GARIN2: variants seen among roughly 807,000 people sequenced by gnomAD.
The protein encoded by GARIN2 is Golgi-associated RAB2 interactor protein 2.
At chr14:67,196,135 C>T in the GARIN2 span, among the ~76,000 whole-genome samples, 1 of 152,186 alleles carries the variant, frequency 6.6e-6, no homozygotes, top group African/African-American at 2.4e-5. Context: ...AAGGGCTCCA[C>T]TCTAGTCTTT....
chr14:67,195,714 TGTGTG>T, the GARIN2 span, among the ~76,000 whole-genome samples: 11 of 1,098 alleles, frequency 0.01, no homozygotes, highest in Non-Finnish European at 0.022. Flanking sequence ...TCTTTTTGGT[TGTGTG>T]TGTGTGTGTG....
chr14:67,219,877 C>T, the GARIN2 span, among the ~76,000 whole-genome samples: 3 of 152,056 alleles, frequency 2.0e-5, no homozygotes, highest in Admixed American at 2.0e-4. Flanking sequence ...CTCTTAAGCC[C>T]AATTTAATAA....
chr14:67,192,900 CTAGATATATA>C, the GARIN2 span, among the ~76,000 whole-genome samples: 2 of 138,386 alleles, frequency 1.4e-5, no homozygotes, highest in South Asian at 2.2e-4. Context: ...ATATCGATAT[CTAGATATATA>C]TAGATATATA....
At chr14:67,203,125 A>T in the GARIN2 span, 1 of 1,613,716 alleles carries the variant, frequency 6.2e-7, no homozygotes, top group South Asian at 1.1e-5. Context: ...ATTTACCTTC[A>T]TAACCGAGCC....
the GARIN2 span, among the ~76,000 whole-genome samples, chr14:67,193,630 TATATAG>T: frequency 7.5e-5 from 11 of 147,006 alleles, no homozygotes; most frequent in Admixed American, 5.4e-4. Flanking sequence ...TATATCTATC[TATATAG>T]ATATAGATAT....
chr14:67,212,617 AATATAT>A, the GARIN2 span, among the ~76,000 whole-genome samples: 1 of 145,924 alleles, frequency 6.9e-6, no homozygotes, highest in Non-Finnish European at 1.5e-5. Flanking sequence ...ATATATATGT[AATATAT>A]ATTATATATA....
the GARIN2 span, chr14:67,225,076 C>T: frequency 6.6e-7 from 1 of 1,505,592 alleles, no homozygotes; most frequent in African/African-American, 1.4e-5. Context: ...CTCTATTGAT[C>T]TCTCCTTTAC....
chr14:67,195,404 A>G, the GARIN2 span, among the ~76,000 whole-genome samples: 38 of 152,108 alleles, frequency 2.5e-4, no homozygotes, highest in Non-Finnish European at 4.6e-4. Context: ...CTCAGATGCA[A>G]GGGATTCTGG....
chr14:67,228,053 C>T, the GARIN2 span, among the ~76,000 whole-genome samples: 9 of 151,786 alleles, frequency 5.9e-5, no homozygotes, highest in African/African-American at 2.2e-4. Flanking sequence ...ACCTGTAATC[C>T]TAGCTACTCA....
At chr14:67,204,855 A>G in the GARIN2 span, 2 of 1,614,028 alleles carry the variant, frequency 1.2e-6, no homozygotes, top group Non-Finnish European at 8.5e-7. Flanking sequence ...CAGGCCCTGA[A>G]CATGTCAGGG....
chr14:67,205,913 G>A, the GARIN2 span, among the ~76,000 whole-genome samples: 26 of 152,336 alleles, frequency 1.7e-4, no homozygotes, highest in African/African-American at 5.5e-4. Flanking sequence ...GTCTGGTGCA[G>A]TGGCTCACAT....
chr14:67,204,314 C>CTGT, the GARIN2 span, among the ~76,000 whole-genome samples: 10 of 152,160 alleles, frequency 6.6e-5, no homozygotes, highest in Admixed American at 6.5e-4. Context: ...TGGTACATAT[C>CTGT]TGTTGTCCCA....
the GARIN2 span, among the ~76,000 whole-genome samples, chr14:67,190,132 C>G: frequency 7.2e-6 from 1 of 139,496 alleles, no homozygotes; most frequent in African/African-American, 2.7e-5. Context: ...CCAGGCTGGT[C>G]TTTAACTCCT....
the GARIN2 span, among the ~76,000 whole-genome samples, chr14:67,193,572 G>GATATAGATATATCTAT: frequency 7.1e-6 from 1 of 140,230 alleles, no homozygotes; most frequent in South Asian, 2.2e-4. Flanking sequence ...TATCTATATA[G>GATATAGATATATCTAT]ATCTATATAT....
the GARIN2 span, chr14:67,208,160 C>T: frequency 6.2e-7 from 1 of 1,607,678 alleles, no homozygotes; most frequent in Non-Finnish European, 8.5e-7. Flanking sequence ...TTACCTGATG[C>T]TCTTCTGTTA....
the GARIN2 span, among the ~76,000 whole-genome samples, chr14:67,204,084 C>G: frequency 6.6e-6 from 1 of 152,142 alleles, no homozygotes; most frequent in Non-Finnish European, 1.5e-5. Flanking sequence ...AGCCCCTACC[C>G]AGACCTATCT....
chr14:67,196,058 CT>C, the GARIN2 span, among the ~76,000 whole-genome samples: 1 of 152,024 alleles, frequency 6.6e-6, no homozygotes, highest in African/African-American at 2.4e-5. Context: ...ATAATGCTTT[CT>C]ATGGGAATTT....
the GARIN2 span, among the ~76,000 whole-genome samples, chr14:67,209,171 C>T: frequency 6.6e-6 from 1 of 152,160 alleles, no homozygotes; most frequent in Non-Finnish European, 1.5e-5. Context: ...ACTTCCTATG[C>T]ACTAGGCATT....
At chr14:67,224,969 T>C in the GARIN2 span, 8 of 658,862 alleles carry the variant, frequency 1.2e-5, no homozygotes, top group Non-Finnish European at 1.5e-5. Flanking sequence ...ATGAGGTGGT[T>C]AGAACATAAT....
Sources: allele counts gnomAD v4.1 joint callset (sites outside exome capture counted in the v4.1 genomes callset), GRCh38; gene constraint gnomAD v4.1.1; transcripts MANE v1.5; gene names NCBI Gene and HGNC (gene_info 2026-07-23, HGNC 2026-07-21).